Variants in ZNF568 observed in about 807,000 individuals in gnomAD.
ZNF568 encodes the protein zinc finger protein 568.
ZNF568 carries 11 observed loss-of-function variants against 18.1 expected under a neutral mutation model. That is an observed-to-expected ratio of 0.61 (90% CI 0.38 to 1.00). The LOEUF is 1.00. Among genes scored for constraint, ZNF568 ranks in the 50% least tolerant of loss-of-function variants. The pLI, the probability that ZNF568 is intolerant of heterozygous loss-of-function variation, is 0.01. For synonymous variants in ZNF568, 213 were observed against 246.6 expected (o/e 0.86, Z 1.28); for missense variants, 639 against 768.2 (o/e 0.83, Z 1.99).
chr19:36,972,533 C>A (rs1667332), intron 6 of ZNF568, among the ~76,000 whole-genome samples: 3,681 of 119,672 alleles, frequency 0.031, 160 homozygotes, highest in African/African-American at 0.12. Flanking sequence ...AGCCTGTGGC[C>A]CGGCCCGAGC....
chr19:36,945,735 A>T (rs1568390350), intron 6 of ZNF568, among the ~76,000 whole-genome samples: 1 of 27,708 alleles, frequency 3.6e-5, no homozygotes, highest in Admixed American at 4.5e-4. Flanking sequence ...ATGTGTGATT[A>T]TATGTGTGTG....
chr19:36,977,835 T>A (rs1202109548), intron 7 of ZNF568, among the ~76,000 whole-genome samples: 1 of 152,212 alleles, frequency 6.6e-6, no homozygotes, highest in Admixed American at 6.5e-5. Flanking sequence ...TTTCTGCCAT[T>A]TGCTAGCTCT....
intron 4 of ZNF568, among the ~76,000 whole-genome samples, chr19:36,933,924 G>A (rs12104193): frequency 3.3e-5 from 1 of 29,932 alleles, no homozygotes. Context: ...TTGTTTTTTT[G>A]TTTTTTTTTT....
chr19:36,988,960 T>C (rs1207814250), intron 2 of ZNF568, among the ~76,000 whole-genome samples: 2 of 152,208 alleles, frequency 1.3e-5, no homozygotes, highest in Admixed American at 6.5e-5. Flanking sequence ...TTCCTCCTGA[T>C]TGTAACTTTG....
downstream of ZNF568, among the ~76,000 whole-genome samples, chr19:36,957,295 G>A (rs926660642): frequency 8.2e-5 from 11 of 134,728 alleles, no homozygotes; most frequent in Admixed American, 2.6e-4. Flanking sequence ...GCAGTGGCGC[G>A]ATCTCGGCTC....
chr19:36,991,727 C>T (rs764091870), intron 3 of ZNF568: 4 of 1,538,428 alleles, frequency 2.6e-6, no homozygotes, highest in East Asian at 2.3e-5. Context: ...ACAACAAAAC[C>T]TTGTTCCCTT....
rs761715743 is a variant in ZNF568, at chr19:36,950,546, C to T, written c.1393C>T (p.Gln465Ter). ...CAGGAAAGAAAATCTCATTACACAT[C>T]AGAAAATTCACACTGGAGAGAAACC... ...FSRKENLITH[Q>*]KIHTGEKPYE... Residue 465 changes from glutamine to a stop codon, truncating the protein, a stop_gained, in exon 7 of 7, where the codon CAG becomes TAG. Transcript: ENST00000333987. LOFTEE classifies it low-confidence loss of function (END_TRUNC). 5.0e-6 allele frequency: 8 copies of T among 1,612,948 alleles called. No homozygotes were observed. The highest frequency in any genetic ancestry group is 6.8e-6 in the Non-Finnish European group (8 of 1,179,504).
intron 4 of ZNF568, among the ~76,000 whole-genome samples, chr19:36,934,528 C>T (rs2073756373): frequency 6.6e-6 from 1 of 152,024 alleles, no homozygotes; most frequent in Non-Finnish European, 1.5e-5. Flanking sequence ...TACCATGTTG[C>T]TCAGGCTGGT....
chr19:36,930,114 A>T (rs967797685), intron 4 of ZNF568, among the ~76,000 whole-genome samples: 4 of 152,002 alleles, frequency 2.6e-5, no homozygotes, highest in Admixed American at 6.6e-5. Flanking sequence ...AATAGACCCT[A>T]TTGTAAAGAC....
chr19:36,993,543 G>A (rs1392276257), intron 4 of ZNF568, among the ~76,000 whole-genome samples: 8 of 152,096 alleles, frequency 5.3e-5, no homozygotes, highest in South Asian at 2.1e-4. Flanking sequence ...TTTCTTTATG[G>A]GAAGATTTTT....
At position 36,978,709 on chromosome 19, in the gene ZNF568, T is replaced by C. The variant is rs141321370; in HGVS notation, c.406-295T>C. Among the ~76,000 whole-genome samples, 502 of 152,322 alleles carry C rather than the reference T, an allele frequency of 3.3e-3. 4 individuals carry two copies. Among genetic ancestry groups the C allele is most frequent in the Non-Finnish European group, 5.3e-3 (359 of 68,026 alleles). On this transcript the variant is annotated intron_variant, in intron 7 of 7. Transcript: ENST00000427117. ...GAGAACAAGTTTAAATGTCTCAGGA[T>C]TGATCCTTCTTTTCAGCCTCGTCTC...
At chr19:36,996,847 C>G (rs1361597359) in exon 5 of ZNF568, 1 of 1,540,366 alleles carries the variant, frequency 6.5e-7, no homozygotes, top group Non-Finnish European at 8.7e-7. Flanking sequence ...TAGTCAGCAT[C>G]AGAGGATGCA....
chr19:36,988,427 C>T (rs985915360), intron 2 of ZNF568, among the ~76,000 whole-genome samples: 8 of 152,210 alleles, frequency 5.3e-5, no homozygotes, highest in Admixed American at 1.3e-4. Context: ...TGCTCCGCTT[C>T]TGGGGGTGCT....
At chr19:36,945,210 A>AGTGTGTGTGTGTGTGTGT (rs10616521) in intron 6 of ZNF568, among the ~76,000 whole-genome samples, 2 of 141,854 alleles carry the variant, frequency 1.4e-5, no homozygotes, top group African/African-American at 2.6e-5. Context: ...CAGAGAGAGA[A>AGTGTGTGTGTGTGTGTGT]GTGTGTGTGT....
downstream of ZNF568, chr19:36,997,450 G>C (rs1488625096): frequency 1.9e-6 from 3 of 1,589,030 alleles, no homozygotes; most frequent in Non-Finnish European, 2.6e-6. Flanking sequence ...AGTTCACACT[G>C]GGGAGAGACC....
intron 6 of ZNF568, among the ~76,000 whole-genome samples, chr19:36,959,013 A>C (rs753739271): frequency 6.6e-6 from 1 of 152,118 alleles, no homozygotes; most frequent in Non-Finnish European, 1.5e-5. Context: ...GATACCTTTT[A>C]TTTCTTTCTC....
chr19:36,981,502 T>A (rs2074331012), downstream of ZNF568, among the ~76,000 whole-genome samples: 2 of 152,230 alleles, frequency 1.3e-5, no homozygotes, highest in Non-Finnish European at 2.9e-5. Flanking sequence ...AAATATTTTA[T>A]AATTAGAGTC....
At chr19:36,964,800 C>A (rs1450210058) in intron 6 of ZNF568, among the ~76,000 whole-genome samples, 7 of 152,044 alleles carry the variant, frequency 4.6e-5, no homozygotes, top group Admixed American at 4.6e-4. Context: ...AGAATGAGAC[C>A]TTATCTCTTA....
At chr19:36,987,822 CTGTG>C (rs56000710) in intron 2 of ZNF568, among the ~76,000 whole-genome samples, 40,391 of 146,316 alleles carry the variant, frequency 0.28, 5,878 homozygotes, top group Non-Finnish European at 0.33. Flanking sequence ...AACACAGACT[CTGTG>C]TGTGTGTGTG....
Sources: gnomAD v4.1 joint callset for allele counts (sites outside exome capture counted in the v4.1 genomes callset) on GRCh38, gnomAD v4.1.1 for gene constraint, MANE v1.5 for transcripts, NCBI Gene and HGNC (gene_info 2026-07-23, HGNC 2026-07-21) for gene names.